The following PGGT1B variants were observed in gnomAD, a reference collection of about 807,000 sequenced individuals.
The protein encoded by PGGT1B is protein geranylgeranyltransferase type I subunit beta, also known as geranylgeranyl transferase type-1 subunit beta.
In PGGT1B, 30 loss-of-function variants were observed where a neutral mutation model predicts 46.1. The observed-to-expected ratio is 0.65, with a 90% CI of 0.49 to 0.88. The LOEUF is 0.88. Among genes scored for constraint, PGGT1B ranks in the 40% least tolerant of loss-of-function variants. PGGT1B has a pLI of 0.00. For missense variants in PGGT1B, 376 were observed against 455.9 expected (o/e 0.82, Z 1.60); for synonymous variants, 170 against 160.0 (o/e 1.06, Z -0.47).
At chr5:115,234,585 C>T (rs1580761136) in intron 5 of PGGT1B, among the ~76,000 whole-genome samples, 2 of 151,954 alleles carry the variant, frequency 1.3e-5, no homozygotes, top group African/African-American at 4.8e-5. Context: ...CCTAATGGTA[C>T]TTCAAACAGA....
intron 1 of PGGT1B, among the ~76,000 whole-genome samples, chr5:115,260,787 C>T (rs907316137): frequency 2.6e-5 from 4 of 152,100 alleles, no homozygotes; most frequent in Non-Finnish European, 5.9e-5. Context: ...TGGTGTCGAT[C>T]CTATGCTCAT....
At position 115,210,048 on chromosome 5, in the gene PGGT1B, ATAAC is replaced by A. The variant is rs1394504102; in HGVS notation, c.*2350_*2353del. On this transcript the variant is annotated 3_prime_UTR_variant, in exon 9 of 9. Coordinates refer to ENST00000419445, the MANE Select transcript of PGGT1B (RefSeq NM_005023.4). ...CTATATGAATTTAGATTAAATATAA[ATAAC>A]TAAAGATCTAATAACACATATATAT... 1 of 152,152 alleles carries A rather than the reference ATAAC, an allele frequency of 6.6e-6. No homozygotes were observed. Among genetic ancestry groups the A allele is most frequent in the Non-Finnish European group, 1.5e-5 (1 of 68,008 alleles). The allele number at this position is 152,152 out of a possible 1,614,324, so 9.4% of individuals were successfully genotyped here.
chr5:115,227,770 C>G lies in PGGT1B; in HGVS notation c.658+3206G>C, dbSNP rs940786042. Among the ~76,000 whole-genome samples, 18 of 152,136 alleles carry G rather than the reference C, an allele frequency of 1.2e-4. 1 individual carries two copies. The highest frequency in any genetic ancestry group is 4.3e-4 in the African/African-American group (18 of 41,424). On this transcript the variant is annotated intron_variant, in intron 6 of 8. Coordinates refer to ENST00000419445, the MANE Select transcript of PGGT1B (RefSeq NM_005023.4). ...TTCTTTAATACTCATAGTGGTTTTA[C>G]CTCTCTGAGTTCTGACTAAGACAAA...
chr5:115,257,697 C>T (rs1748383300), intron 1 of PGGT1B, among the ~76,000 whole-genome samples: 1 of 152,106 alleles, frequency 6.6e-6, no homozygotes, highest in South Asian at 2.1e-4. Flanking sequence ...TGGTGCAACC[C>T]CATCCTTTAC....
intron 8 of PGGT1B, among the ~76,000 whole-genome samples, chr5:115,213,710 T>C (rs1034504113): frequency 2.0e-5 from 3 of 152,144 alleles, no homozygotes; most frequent in African/African-American, 7.2e-5. Context: ...AGGTTGAGGC[T>C]GCAGTGAGGC....
Position 115,212,291 on chromosome 5 carries a change from T to C in PGGT1B, c.*111A>G. ...CCCAAAGTGAAATCAGCAGGAGATT[T>C]GATTGTAAGACTCTACCTTTTAAAA... On this transcript the variant is annotated 3_prime_UTR_variant, in exon 9 of 9. Coordinates refer to ENST00000419445, the MANE Select transcript of PGGT1B (RefSeq NM_005023.4). The C allele has an allele frequency of 6.6e-7, 1 of 1,524,192 alleles. No individual in the cohort carries two copies. The highest frequency in any genetic ancestry group is 8.8e-7 in the Non-Finnish European group (1 of 1,136,914). The allele number at this position is 1,524,192 out of a possible 1,614,324, so 94.4% of individuals were successfully genotyped here.
chr5:115,228,026 T>C (rs930698864), intron 6 of PGGT1B, among the ~76,000 whole-genome samples: 7 of 152,066 alleles, frequency 4.6e-5, no homozygotes, highest in African/African-American at 1.7e-4. Flanking sequence ...ATTGCTGGCT[T>C]CCCCCAGGCC....
chr5:115,234,482 T>C lies in PGGT1B; in HGVS notation c.612+1908A>G, dbSNP rs1580761030. Among the ~76,000 whole-genome samples the C allele has an allele frequency of 2.6e-5, 4 of 152,108 alleles. No homozygotes were observed. The Middle Eastern group carries it at 0.014, about 517-fold the overall frequency. ...TTAAGAACCAAATTAGTTTTTCACA[T>C]ATTAAGTAAATAAATAAAGTCAACG... On this transcript the variant is annotated intron_variant, in intron 5 of 8. Transcript: ENST00000419445.
chr5:115,234,198 G>C (rs1195156309), intron 5 of PGGT1B, among the ~76,000 whole-genome samples: 1 of 107,734 alleles, frequency 9.3e-6, no homozygotes, highest in Admixed American at 8.8e-5. Flanking sequence ...ATATTGTTAA[G>C]TGAAAAAAGC....
At chr5:115,234,176 T>C (rs1757095248) in intron 5 of PGGT1B, among the ~76,000 whole-genome samples, 1 of 149,148 alleles carries the variant, frequency 6.7e-6, no homozygotes, top group South Asian at 2.1e-4. Flanking sequence ...GTTTTTTTTT[T>C]TCTCCCAAGC....
intron 5 of PGGT1B, among the ~76,000 whole-genome samples, chr5:115,232,222 G>A (rs1364590795): frequency 6.6e-6 from 1 of 152,042 alleles, no homozygotes; most frequent in Admixed American, 6.6e-5. Context: ...GAGACTCTAG[G>A]TATACCACCA....
In PGGT1B at chr5:115,210,856, C is replaced by T. The variant is rs544064534; in HGVS notation, c.*1546G>A. On this transcript the variant is annotated 3_prime_UTR_variant, in exon 9 of 9. Coordinates refer to ENST00000419445, the MANE Select transcript of PGGT1B (RefSeq NM_005023.4). ...CTGTTATTAAGCTTACTTTTTCCCC[C>T]ACCATCAGAAGATTTATTTTATTTC... 1 of 152,090 alleles carries T rather than the reference C, an allele frequency of 6.6e-6. No homozygotes were observed. Among genetic ancestry groups the T allele is most frequent in the Admixed American group, 6.5e-5 (1 of 15,270 alleles). The allele number at this position is 152,090 out of a possible 1,614,324, so 9.4% of individuals were successfully genotyped here.
Position 115,237,847 on chromosome 5 carries a change from A to G in PGGT1B, c.479+11T>C, listed in dbSNP as rs1320400772. The G allele has an allele frequency of 6.3e-7, 1 of 1,592,604 alleles. No homozygotes were observed. The highest frequency in any genetic ancestry group is 2.2e-5 in the East Asian group (1 of 44,768). On this transcript the variant is annotated intron_variant, in intron 4 of 8. Coordinates refer to ENST00000419445, the MANE Select transcript of PGGT1B (RefSeq NM_005023.4). ...TTTATTACAAAAAAAGTAACAAAGA[A>G]TCACTCATACCTCCCATCTTCCAGC...
chr5:115,220,996 C>T (rs983736762), intron 7 of PGGT1B, among the ~76,000 whole-genome samples: 2 of 151,888 alleles, frequency 1.3e-5, no homozygotes, highest in Admixed American at 6.6e-5. Flanking sequence ...TTTGAATATG[C>T]TTGAAATTTC....
At chr5:115,245,912 C>A (rs1365099840) in intron 2 of PGGT1B, among the ~76,000 whole-genome samples, 3 of 152,152 alleles carry the variant, frequency 2.0e-5, no homozygotes, top group African/African-American at 4.8e-5. Flanking sequence ...AGAGAATTCT[C>A]CTGTTTCTTA....
At chr5:115,220,926 T>G (rs1269266791) in intron 7 of PGGT1B, among the ~76,000 whole-genome samples, 5 of 151,944 alleles carry the variant, frequency 3.3e-5, no homozygotes, top group Non-Finnish European at 7.4e-5. Flanking sequence ...TAGCTTTCGG[T>G]TGATAATTGT....
At position 115,206,407 on chromosome 5, in the gene PGGT1B, T is replaced by A. The variant is rs1431418211; in HGVS notation, c.*5995A>T. The A allele has an allele frequency of 6.6e-6, 1 of 152,002 alleles. No individual in the cohort carries two copies. The highest frequency in any genetic ancestry group is 2.4e-5 in the African/African-American group (1 of 41,438). The allele number at this position is 152,002 out of a possible 1,614,324, so 9.4% of individuals were successfully genotyped here. A position where few individuals can be genotyped will look rare whatever the true frequency, so the allele number is the denominator to read the frequency against. On this transcript the variant is annotated 3_prime_UTR_variant, in exon 9 of 9. Transcript: ENST00000419445. ...ATAAGCTATATATTTTTTAAAATTG[T>A]AAATATCTGAATAATTAAGCACCAG... is the stretch of plus-strand genomic sequence containing the variant.
At chr5:115,239,718 T>C (rs1757292723) in intron 3 of PGGT1B, among the ~76,000 whole-genome samples, 1 of 152,124 alleles carries the variant, frequency 6.6e-6, no homozygotes, top group Admixed American at 6.5e-5. Flanking sequence ...CAGGTATAGA[T>C]GAAGAGGAGG....
chr5:115,253,045 C>G (rs1748170562), intron 2 of PGGT1B, 92 bp downstream of exon 2: 2 of 1,028,452 alleles, frequency 1.9e-6, no homozygotes, highest in East Asian at 2.6e-5. Context: ...AATATGTTAA[C>G]AGTATACAAG....
Sources: gnomAD v4.1 joint callset for allele counts (sites outside exome capture counted in the v4.1 genomes callset) on GRCh38, gnomAD v4.1.1 for gene constraint, MANE v1.5 for transcripts, NCBI Gene and HGNC (gene_info 2026-07-23, HGNC 2026-07-21) for gene names.